The following UNC13C variants were observed in gnomAD, a reference collection of about 807,000 sequenced individuals.
UNC13C encodes the protein protein unc-13 homolog C.
A neutral mutation model predicts 245.4 loss-of-function variants in UNC13C; 174 were observed. The ratio of observed to expected loss-of-function variants is 0.71; its 90% CI spans 0.63 to 0.80. The LOEUF is 0.80. UNC13C is among the 30% of genes least tolerant of loss of function. UNC13C has a pLI of 0.00. For synonymous variants in UNC13C, 992 were observed against 895.1 expected (o/e 1.11, Z -1.93); for missense variants, 2,829 against 2,602.9 (o/e 1.09, Z -1.89).
intron 2 of UNC13C, among the ~76,000 whole-genome samples, chr15:54,092,168 G>A (rs544453135): frequency 1.3e-5 from 2 of 152,224 alleles, no homozygotes; most frequent in South Asian, 4.2e-4. Context: ...ATCCCAGAAG[G>A]CTCCTTAGCT....
chr15:54,147,775 T>C (rs1473225173), intron 4 of UNC13C, among the ~76,000 whole-genome samples: 1 of 137,624 alleles, frequency 7.3e-6, no homozygotes, highest in African/African-American at 2.8e-5. Flanking sequence ...ATAAGAAGCA[T>C]TGCAAGGTGT....
the UNC13C span, among the ~76,000 whole-genome samples, chr15:53,877,866 G>T: frequency 6.6e-6 from 1 of 152,060 alleles, no homozygotes; most frequent in African/African-American, 2.4e-5. Flanking sequence ...TCGTAACTAT[G>T]GGGATTTCCA....
chr15:54,401,590 G>C (rs1162768608), intron 18 of UNC13C, among the ~76,000 whole-genome samples: 3 of 152,150 alleles, frequency 2.0e-5, no homozygotes, highest in Non-Finnish European at 4.4e-5. Flanking sequence ...TCAGAATGAA[G>C]TATAAACAGG....
At chr15:53,870,653 A>G in the UNC13C span, among the ~76,000 whole-genome samples, 2 of 152,084 alleles carry the variant, frequency 1.3e-5, no homozygotes, top group Non-Finnish European at 2.9e-5. Context: ...ACTCATAAAA[A>G]CACCTGACAT....
chr15:54,076,645 C>G (rs1010756051), intron 2 of UNC13C, among the ~76,000 whole-genome samples: 27 of 152,032 alleles, frequency 1.8e-4, no homozygotes, highest in African/African-American at 6.3e-4. Flanking sequence ...TAGTTAGTCT[C>G]TATTACCACT....
the UNC13C span, among the ~76,000 whole-genome samples, chr15:53,952,644 T>G: frequency 6.6e-6 from 1 of 152,206 alleles, no homozygotes; most frequent in Non-Finnish European, 1.5e-5. Context: ...GCATCAGAAT[T>G]GTTTTAATAA....
chr15:54,201,279 A>T (rs901671209), intron 4 of UNC13C, among the ~76,000 whole-genome samples: 1 of 152,102 alleles, frequency 6.6e-6, no homozygotes, highest in Non-Finnish European at 1.5e-5. Context: ...ATTCCAAAAG[A>T]TGGAGAAAGA....
In UNC13C at chr15:54,567,872, A is replaced by G; in HGVS notation, c.6031A>G (p.Arg2011Gly). The G allele has an allele frequency of 1.2e-6, 2 of 1,601,594 alleles. No individual in the cohort carries two copies. Among genetic ancestry groups the G allele is most frequent in the Non-Finnish European group, 1.7e-6 (2 of 1,173,088 alleles). The change falls in exon 30 of 33, where the codon AGA (arginine) becomes GGA (glycine). Residue 2011 changes from arginine (R) to glycine (G), a missense_variant. Arg to Gly is a moderately radical substitution (Grantham distance 125, BLOSUM62 -2). Transcript: ENST00000260323. ...LEKSPDLQSL[R>G]YALSLYTQTT... ...GAAAAGCCCAGATCTTCAGTCTCTGAGATATGCTCTCAGTCTTTATACCCA... is the reference window on the plus strand; with the variant it reads ...GAAAAGCCCAGATCTTCAGTCTCTGGGATATGCTCTCAGTCTTTATACCCA...
intron 18 of UNC13C, among the ~76,000 whole-genome samples, chr15:54,402,179 C>T (rs552121772): frequency 4.0e-5 from 6 of 151,380 alleles, no homozygotes; most frequent in South Asian, 4.2e-4. Flanking sequence ...GAATAGGTAG[C>T]GAAAAAACCC....
At chr15:53,908,207 T>C in the UNC13C span, among the ~76,000 whole-genome samples, 1 of 146,640 alleles carries the variant, frequency 6.8e-6, no homozygotes, top group African/African-American at 2.4e-5. Context: ...TGTGTCCTTA[T>C]CATTTAATGG....
At chr15:54,135,097 A>G (rs2031662166) in intron 2 of UNC13C, among the ~76,000 whole-genome samples, 2 of 152,158 alleles carry the variant, frequency 1.3e-5, no homozygotes, top group South Asian at 4.1e-4. Flanking sequence ...AATGTGTATT[A>G]GCCATTAATG....
intron 30 of UNC13C, among the ~76,000 whole-genome samples, chr15:54,601,367 A>G (rs754619122): frequency 6.6e-6 from 1 of 152,254 alleles, no homozygotes; most frequent in Middle Eastern, 3.4e-3. Flanking sequence ...CCAGACCTAC[A>G]AGAATATTAC....
intron 2 of UNC13C, among the ~76,000 whole-genome samples, chr15:54,139,933 T>C (rs1174171192): frequency 6.6e-6 from 1 of 152,208 alleles, no homozygotes; most frequent in East Asian, 1.9e-4. Context: ...AAGCACCATT[T>C]ACTGACTAGT....
rs1895622058 is a variant in UNC13C at position 54,015,676 on chromosome 15, C to A, written c.2773C>A (p.Pro925Thr). 2 of 1,613,590 alleles carry A rather than the reference C, an allele frequency of 1.2e-6. No homozygotes were observed. The highest frequency in any genetic ancestry group is 1.1e-5 in the South Asian group (1 of 91,034). Residue 925 changes from proline (P) to threonine (T), a missense_variant, in exon 2 of 33, where the codon CCA becomes ACA. Physicochemically the swap from Pro to Thr is conservative, Grantham distance 38 (BLOSUM62 -1). Transcript: ENST00000260323. ...CCCACAAGATGAGGGTTATGATGGT[C>A]CAGCAGATGATATGGTTAGTGAAGA... is the stretch of plus-strand genomic sequence containing the variant. ...ETPQDEGYDG[P>T]ADDMVSEEGL...
intron 1 of UNC13C, among the ~76,000 whole-genome samples, chr15:53,981,307 T>C (rs1566929517): frequency 6.6e-6 from 1 of 152,144 alleles, no homozygotes; most frequent in Admixed American, 6.5e-5. Flanking sequence ...AGGCATTCTC[T>C]AGAATTTTTG....
intron 2 of UNC13C, among the ~76,000 whole-genome samples, chr15:54,085,210 T>A (rs1899168592): frequency 6.6e-6 from 1 of 152,126 alleles, no homozygotes; most frequent in African/African-American, 2.4e-5. Flanking sequence ...AGGGCTAAGA[T>A]CCTAGAGGAG....
At chr15:53,996,653 G>A (rs1308445847) in intron 1 of UNC13C, among the ~76,000 whole-genome samples, 3 of 152,016 alleles carry the variant, frequency 2.0e-5, no homozygotes, top group Non-Finnish European at 1.5e-5. Context: ...AGCCAACCGT[G>A]TTTCAGATTT....
At chr15:54,275,180 T>C (rs1047165101) in intron 10 of UNC13C, among the ~76,000 whole-genome samples, 1 of 152,172 alleles carries the variant, frequency 6.6e-6, no homozygotes, top group Non-Finnish European at 1.5e-5. Context: ...ATATCCTGCC[T>C]GTAAGAAATA....
intron 27 of UNC13C, among the ~76,000 whole-genome samples, 199 bp downstream of exon 27, chr15:54,547,044 A>T (rs1896516794): frequency 6.6e-6 from 1 of 152,214 alleles, no homozygotes; most frequent in South Asian, 2.1e-4. Flanking sequence ...GTCAGACTTC[A>T]CGTTGCTTGA....
Sources: gnomAD v4.1 joint callset for allele counts (sites outside exome capture counted in the v4.1 genomes callset) on GRCh38, gnomAD v4.1.1 for gene constraint, MANE v1.5 for transcripts, NCBI Gene and HGNC (gene_info 2026-07-23, HGNC 2026-07-21) for gene names.